BRDT: variants seen among roughly 807,000 people sequenced by gnomAD.
BRDT encodes the protein bromodomain testis-specific protein.
BRDT carries 77 observed loss-of-function variants against 113.9 expected under a neutral mutation model. The observed-to-expected ratio is 0.68, with a 90% CI of 0.56 to 0.82. The LOEUF (loss-of-function observed/expected upper bound fraction) is 0.82. Ranked by LOEUF, BRDT falls within the 40% of genes least tolerant of loss-of-function variation. The probability of loss-of-function intolerance (pLI) is 0.00; values close to 1 mark genes in which losing one functional copy is unlikely to be tolerated. For synonymous variants in BRDT, 358 were observed against 366.5 expected (o/e 0.98, Z 0.26); for missense variants, 1,027 against 1,105.4 (o/e 0.93, Z 1.01).
Position 91,958,152 on chromosome 1 carries a change from C to CT in BRDT, c.-37-4559dup, listed in dbSNP as rs1169733775. Among the ~76,000 whole-genome samples, 12 of 150,640 alleles carry CT rather than the reference C, an allele frequency of 8.0e-5. No homozygotes were observed. In the East Asian group the frequency reaches 2.4e-3, roughly 30 times the overall value. On this transcript the variant is annotated intron_variant, in intron 1 of 18. Coordinates refer to ENST00000399546, the MANE Select transcript of BRDT (RefSeq NM_207189.4). ...GCCGCCATGCCTGGCCAAGTTTTGC[C>CT]TTTTTTTGAGAACGACATTCAGGCT...
Position 91,995,683 on chromosome 1 carries a change from G to A in BRDT, c.2287+1429G>A, listed in dbSNP as rs549423976. On this transcript the variant is annotated intron_variant, in intron 15 of 18. Coordinates refer to ENST00000399546, the MANE Select transcript of BRDT (RefSeq NM_207189.4). ...ACAGAGTTTCATTCTTGTTGCCCAG[G>A]GTGGGTGCAGTGGTGCAATCTTGGC... 2.0e-5 allele frequency among the ~76,000 whole-genome samples: 3 copies of A among 149,910 alleles called. No homozygotes were observed. In the East Asian group the frequency reaches 5.9e-4, roughly 29 times the overall value.
intron 15 of BRDT, among the ~76,000 whole-genome samples, chr1:91,996,924 G>A (rs1372588338): frequency 6.6e-6 from 1 of 152,164 alleles, no homozygotes; most frequent in Admixed American, 6.6e-5. Context: ...TTAACAGTAT[G>A]TAGAAGCTAC....
intron 14 of BRDT, among the ~76,000 whole-genome samples, chr1:91,993,038 T>C (rs1685947752): frequency 6.6e-6 from 1 of 152,228 alleles, no homozygotes; most frequent in Non-Finnish European, 1.5e-5. Flanking sequence ...AAAAAATGCC[T>C]ATTTATGGTA....
chr1:91,982,516 A>T (rs1166714155), intron 12 of BRDT, among the ~76,000 whole-genome samples: 1 of 152,198 alleles, frequency 6.6e-6, no homozygotes, highest in Non-Finnish European at 1.5e-5. Flanking sequence ...TGTTGTCCCT[A>T]AATTTTGCTT....
chr1:91,985,860 G>C (rs1685186967), intron 12 of BRDT, among the ~76,000 whole-genome samples: 1 of 150,404 alleles, frequency 6.6e-6, no homozygotes, highest in Non-Finnish European at 1.5e-5. Context: ...GGATGGTCTC[G>C]ATCTCCTGAC....
chr1:91,991,991 C>CAAAAAAAAAAAAAAAAAA (rs764759925), intron 13 of BRDT, among the ~76,000 whole-genome samples: 1 of 67,740 alleles, frequency 1.5e-5, no homozygotes, highest in Non-Finnish European at 2.6e-5. Context: ...GACTCTGTCT[C>CAAAAAAAAAAAAAAAAAA]AAAAAAAAAA....
At chr1:92,002,596 G>A (rs1402435194) in intron 16 of BRDT, among the ~76,000 whole-genome samples, 2 of 152,136 alleles carry the variant, frequency 1.3e-5, no homozygotes, top group East Asian at 3.9e-4. Context: ...TCAAACTCCT[G>A]ATCTTAGGTG....
At chr1:91,955,119 A>T (rs1444847888) in intron 1 of BRDT, among the ~76,000 whole-genome samples, 3 of 152,100 alleles carry the variant, frequency 2.0e-5, no homozygotes, top group Non-Finnish European at 4.4e-5. Context: ...ATTAACCAGC[A>T]TGTTTACTTC....
chr1:92,006,829 C>T (rs1053689152), intron 18 of BRDT, among the ~76,000 whole-genome samples: 2 of 151,582 alleles, frequency 1.3e-5, no homozygotes, highest in African/African-American at 4.9e-5. Flanking sequence ...CTCTTGTCGC[C>T]CAGGCTGGAG....
chr1:91,987,343 T>C (rs1188311150), intron 12 of BRDT, among the ~76,000 whole-genome samples: 2 of 152,174 alleles, frequency 1.3e-5, no homozygotes, highest in African/African-American at 4.8e-5. Context: ...TGTTTTGTTT[T>C]GTTTTTTTGA....
chr1:91,974,323 G>C (rs1440608772), intron 4 of BRDT, among the ~76,000 whole-genome samples: 2 of 152,172 alleles, frequency 1.3e-5, no homozygotes, highest in Non-Finnish European at 2.9e-5. Flanking sequence ...CACAGCAATA[G>C]AAACTACCAT....
chr1:91,977,990 T>C lies in BRDT; in HGVS notation c.970-178T>C, dbSNP rs1570523178. 2.0e-5 allele frequency among the ~76,000 whole-genome samples: 3 copies of C among 152,242 alleles called. No homozygotes were observed. The East Asian group carries it at 5.8e-4, about 29-fold the overall frequency. ...TTGTCAAAATTCACTGGATTTTTTT[T>C]CAAAGTCTAAAAAATATGAAACAAA... is the stretch of plus-strand genomic sequence containing the variant. On this transcript the variant is annotated intron_variant, in intron 6 of 18. Coordinates refer to ENST00000399546, the MANE Select transcript of BRDT (RefSeq NM_207189.4).
chr1:91,957,361 C>T (rs1022067314), intron 1 of BRDT, among the ~76,000 whole-genome samples: 3 of 152,102 alleles, frequency 2.0e-5, no homozygotes, highest in Admixed American at 6.6e-5. Context: ...GGTGTGGTGG[C>T]GGGCGCCTGT....
chr1:91,973,474 G>A (rs1683825631), intron 4 of BRDT, among the ~76,000 whole-genome samples: 1 of 152,098 alleles, frequency 6.6e-6, no homozygotes, highest in African/African-American at 2.4e-5. Context: ...GTGGTTTGTA[G>A]TTCTCCTTGA....
At position 91,965,299 on chromosome 1, in the gene BRDT, TATA is replaced by T. The variant is rs923017556; in HGVS notation, c.330+539_330+541del. Among the ~76,000 whole-genome samples, 6 of 152,304 alleles carry T rather than the reference TATA, an allele frequency of 3.9e-5. No homozygotes were observed. The Middle Eastern group carries it at 0.017, about 432-fold the overall frequency. ...ACCAATACTTGTTCAGTCTATTTGC[TATA>T]ATATTTTTGTGCCTGAATAGCTGTA... On this transcript the variant is annotated intron_variant, in intron 3 of 18. Transcript: ENST00000399546.
chr1:92,010,357 T>C (rs1687692805), intron 18 of BRDT, among the ~76,000 whole-genome samples: 1 of 147,580 alleles, frequency 6.8e-6, no homozygotes, highest in Non-Finnish European at 1.5e-5. Flanking sequence ...CTGCAACCTC[T>C]GCCTCCTCCC....
chr1:91,981,491 A>G, intron 11 of BRDT, 110 bp downstream of exon 11: 4 of 1,523,480 alleles, frequency 2.6e-6, no homozygotes, highest in Non-Finnish European at 3.6e-6. Context: ...GTGATCCTCC[A>G]CCTTGGCCTC....
chr1:91,951,788 G>GGGGAA (rs1681116595), intron 1 of BRDT, among the ~76,000 whole-genome samples: 1 of 151,936 alleles, frequency 6.6e-6, no homozygotes. Context: ...AAGGTGAGGT[G>GGGGAA]GCTCAGGCCT....
intron 1 of BRDT, among the ~76,000 whole-genome samples, chr1:91,956,307 G>GCC (rs58057277): frequency 8.7e-5 from 13 of 149,214 alleles, no homozygotes; most frequent in African/African-American, 3.0e-4. Flanking sequence ...GGTTCTTCCT[G>GCC]CCCCCCCCCA....
Sources: allele counts gnomAD v4.1 joint callset (sites outside exome capture counted in the v4.1 genomes callset), GRCh38; gene constraint gnomAD v4.1.1; transcripts MANE v1.5; gene names NCBI Gene and HGNC (gene_info 2026-07-23, HGNC 2026-07-21).